Variants in CLTRN observed in about 807,000 individuals in gnomAD.
CLTRN encodes collectrin, amino acid transport regulator.
In CLTRN, 12 loss-of-function variants were observed where a neutral mutation model predicts 14.5. That is an observed-to-expected ratio of 0.83 (90% CI 0.53 to 1.34). The LOEUF (loss-of-function observed/expected upper bound fraction) is 1.34, where lower values mean the gene tolerates loss of function less well. Among genes scored for constraint, CLTRN ranks in the 40% most tolerant of loss-of-function variants. The pLI, the probability that CLTRN is intolerant of heterozygous loss-of-function variation, is 0.00. For missense variants in CLTRN, 154 were observed against 165.1 expected (o/e 0.93, Z 0.37); for synonymous variants, 58 against 56.5 (o/e 1.03, Z -0.12).
At chrX:15,668,935 T>C (rs770077707), upstream of CLTRN, among the ~76,000 whole-genome samples, 3 of 112,107 alleles carry the variant, frequency 2.7e-5, no homozygotes, top group Non-Finnish European at 5.6e-5. Flanking sequence ...CCATAAAATA[T>C]CTACTTTTGT....
rs757418183 is a variant in CLTRN at position 15,660,478 on chromosome X, T to C, written c.118-1377A>G. Among the ~76,000 whole-genome samples the C allele has an allele frequency of 5.5e-5, 6 of 110,041 alleles. No individual in the cohort carries two copies. The South Asian group carries it at 2.4e-3, about 43-fold the overall frequency. On this transcript the variant is annotated intron_variant, in intron 2 of 5. Transcript: ENST00000380342. ...ACTTCACCATTTTCTCCTTCAGTCC[T>C]ACCTTATGTAACTCTGCTGTAAGAT... is the stretch of plus-strand genomic sequence containing the variant.
intron 3 of CLTRN, among the ~76,000 whole-genome samples, chrX:15,652,216 T>C (rs907698098): frequency 8.9e-6 from 1 of 112,082 alleles, no homozygotes; most frequent in Admixed American, 9.4e-5. Flanking sequence ...GAATGAAAAA[T>C]TGATCAACAA....
chrX:15,636,876 T>G (rs186474519), intron 5 of CLTRN, among the ~76,000 whole-genome samples: 1 of 111,567 alleles, frequency 9.0e-6, no homozygotes, highest in Admixed American at 9.5e-5. Context: ...CTGAGATCCC[T>G]GGAAATCAGG....
chrX:15,639,632 C>G lies in CLTRN; in HGVS notation c.442G>C (p.Gly148Arg). Residue 148 changes from glycine to arginine, a missense_variant, in exon 5 of 6, where the codon GGT becomes CGT. Transcript: ENST00000380342. ...PSVPIWIIIF[G>R]VIFCIIIVAI... is the part of the protein sequence containing the mutation. ...ACTATGATGATGCAAAATATCACAC[C>G]AAATATAATAATCCAGATGGGCACA... The G allele has an allele frequency of 8.3e-7, 1 of 1,209,968 alleles. No individual in the cohort carries two copies. Among genetic ancestry groups the G allele is most frequent in the African/African-American group, 1.7e-5 (1 of 57,664 alleles).
chrX:15,670,308 AACAC>A (rs753295306), intron 1 of CLTRN, among the ~76,000 whole-genome samples: 2,385 of 86,260 alleles, frequency 0.028, 46 homozygotes, highest in African/African-American at 0.08. Context: ...CCAAAAACAA[AACAC>A]ACACACACAC....
At chrX:15,658,906 C>T in intron 3 of CLTRN, 110 bp downstream of exon 3, 2 of 337,773 alleles carry the variant, frequency 5.9e-6, no homozygotes, top group South Asian at 8.9e-5. Flanking sequence ...AGTGTGAATC[C>T]CTTTGAAAAA....
intron 1 of CLTRN, 91 bp from the exon 2 acceptor site, chrX:15,664,486 A>G: frequency 1.3e-6 from 1 of 783,305 alleles, no homozygotes; most frequent in Admixed American, 2.9e-5. Context: ...ATGCAACTCA[A>G]ACTAATGGAA....
At chrX:15,655,774 C>G (rs1421623613) in intron 3 of CLTRN, among the ~76,000 whole-genome samples, 1 of 111,873 alleles carries the variant, frequency 8.9e-6, no homozygotes, top group Non-Finnish European at 1.9e-5. Flanking sequence ...CTAGTGGCAA[C>G]TTGACGGAGT....
intron 3 of CLTRN, among the ~76,000 whole-genome samples, chrX:15,655,591 C>G (rs772598151): frequency 2.7e-5 from 3 of 111,978 alleles, no homozygotes; most frequent in Admixed American, 9.4e-5. Flanking sequence ...GGAATATATT[C>G]AAGTGCAGAC....
intron 2 of CLTRN, among the ~76,000 whole-genome samples, chrX:15,662,972 C>T (rs1357444218): frequency 1.8e-5 from 2 of 111,416 alleles, no homozygotes; most frequent in African/African-American, 6.5e-5. Flanking sequence ...TCTTTCTAAT[C>T]TTTACTCTCA....
chrX:15,657,187 T>C (rs6632698), intron 3 of CLTRN, among the ~76,000 whole-genome samples: 24,284 of 110,610 alleles, frequency 0.22, 2,175 homozygotes, highest in East Asian at 0.51. Context: ...AACGAGGTTT[T>C]GCCATGTTGT....
chrX:15,638,331 ACCATAT>A (rs1928863964), intron 5 of CLTRN, among the ~76,000 whole-genome samples: 1 of 112,335 alleles, frequency 8.9e-6, no homozygotes, highest in African/African-American at 3.2e-5. Context: ...CTAGACATAA[ACCATAT>A]TTATTTCATA....
At position 15,644,955 on chromosome X, in the gene CLTRN, T is replaced by C; in HGVS notation, c.278A>G (p.Asn93Ser). The C allele has an allele frequency of 8.3e-7, 1 of 1,208,340 alleles. No individual in the cohort carries two copies. The change falls in exon 4 of 6, where the codon AAT becomes AGT. Residue 93 changes from asparagine to serine, a missense_variant. Coordinates refer to ENST00000380342, the MANE Select transcript of CLTRN (RefSeq NM_020665.6). ...CACCTCAACAGCAGGAAGGGTGTGA[T>C]TTTTTGAAGGGTCTGTAACCACAAA... ...FWFVVTDPSK[N>S]HTLPAVEVQS...
chrX:15,634,812 T>C lies in CLTRN; in HGVS notation c.512+4750A>G, dbSNP rs928319271. Among the ~76,000 whole-genome samples, 8 of 99,130 alleles carry C rather than the reference T, an allele frequency of 8.1e-5. No individual in the cohort carries two copies. In the South Asian group the frequency reaches 2.2e-3, roughly 28 times the overall value. The allele number at this position is 99,130 out of a possible 115,157, so 86.1% of individuals were successfully genotyped here. ...GTGGGGGGAGGGGGGAGGGATAGCATTGGGAGATATACCTAATGCTAGATG... is the reference window on the plus strand; with the variant it reads ...GTGGGGGGAGGGGGGAGGGATAGCACTGGGAGATATACCTAATGCTAGATG... On this transcript the variant is annotated intron_variant, in intron 5 of 5. Coordinates refer to ENST00000380342, the MANE Select transcript of CLTRN (RefSeq NM_020665.6).
intron 5 of CLTRN, among the ~76,000 whole-genome samples, chrX:15,630,697 T>C (rs1347772114): frequency 8.9e-6 from 1 of 112,125 alleles, no homozygotes; most frequent in Non-Finnish European, 1.9e-5. Flanking sequence ...TCAGGAGTTG[T>C]GGTCCTAGAG....
upstream of CLTRN, among the ~76,000 whole-genome samples, chrX:15,666,586 AT>A (rs1449103400): frequency 8.9e-6 from 1 of 112,100 alleles, no homozygotes; most frequent in Non-Finnish European, 1.9e-5. Flanking sequence ...CGAGGGTGGT[AT>A]TTTATTGTAA....
Position 15,664,803 on chromosome X carries a change from A to G in CLTRN, c.-28T>C, listed in dbSNP as rs1176526591. 2.6e-6 allele frequency: 3 copies of G among 1,169,424 alleles called. No homozygotes were observed. The highest frequency in any genetic ancestry group is 3.5e-6 in the Non-Finnish European group (3 of 862,003). ...TTTCAGGGTGGAAAACACAAGGCAA[A>G]GTGAGAAAAAAAAAATCCACGCTGC... On this transcript the variant is annotated 5_prime_UTR_variant, in exon 1 of 6. Transcript: ENST00000380342.
At chrX:15,650,062 T>C (rs1487498183) in intron 3 of CLTRN, among the ~76,000 whole-genome samples, 2 of 98,994 alleles carry the variant, frequency 2.0e-5, no homozygotes, top group African/African-American at 3.8e-5. Flanking sequence ...TTTTGTATGA[T>C]ATATAGCAGC....
intron 4 of CLTRN, among the ~76,000 whole-genome samples, chrX:15,642,574 A>G (rs1351646414): frequency 8.9e-6 from 1 of 111,784 alleles, no homozygotes; most frequent in African/African-American, 3.3e-5. Context: ...CTGGACCTTC[A>G]CCCTAAGCAC....
Sources: gnomAD v4.1 joint callset for allele counts (sites outside exome capture counted in the v4.1 genomes callset) on GRCh38, gnomAD v4.1.1 for gene constraint, MANE v1.5 for transcripts, NCBI Gene and HGNC (gene_info 2026-07-23, HGNC 2026-07-21) for gene names.